Variants in CALN1 observed in about 807,000 individuals in gnomAD.
The protein encoded by CALN1 is calneuron 1.
A neutral mutation model predicts 30.6 loss-of-function variants in CALN1; 17 were observed. That is an observed-to-expected ratio of 0.56 (90% CI 0.38 to 0.83). The LOEUF is 0.83. Ranked by LOEUF, CALN1 falls within the 40% of genes least tolerant of loss-of-function variation. The pLI, the probability that CALN1 is intolerant of heterozygous loss-of-function variation, is 0.00. For synonymous variants in CALN1, 156 were observed against 131.4 expected (o/e 1.19, Z -1.28); for missense variants, 291 against 354.9 (o/e 0.82, Z 1.45).
chr7:72,346,449 CACAT>C (rs1003392401), intron 2 of CALN1, among the ~76,000 whole-genome samples: 2 of 152,146 alleles, frequency 1.3e-5, no homozygotes, highest in African/African-American at 2.4e-5. Flanking sequence ...CCAATCCACA[CACAT>C]ACATTCTGTC....
chr7:72,207,007 T>C (rs1266448131), intron 3 of CALN1, among the ~76,000 whole-genome samples: 2 of 152,222 alleles, frequency 1.3e-5, no homozygotes, highest in African/African-American at 4.8e-5. Flanking sequence ...GCTGTAAAGC[T>C]GTTGAAACAG....
chr7:72,381,746 T>C (rs977728015), intron 2 of CALN1, among the ~76,000 whole-genome samples: 1 of 152,176 alleles, frequency 6.6e-6, no homozygotes, highest in Admixed American at 6.5e-5. Flanking sequence ...AAATACCTAA[T>C]GCATGCAGGG....
chr7:72,405,272 C>T (rs1045914296), intron 1 of CALN1, among the ~76,000 whole-genome samples: 1 of 152,212 alleles, frequency 6.6e-6, no homozygotes, highest in African/African-American at 2.4e-5. Context: ...CAGTACTTGG[C>T]CTCAAACACA....
intron 5 of CALN1, among the ~76,000 whole-genome samples, chr7:71,812,159 G>A (rs35577469): frequency 0.033 from 4,996 of 152,248 alleles, 119 homozygotes; most frequent in Non-Finnish European, 0.056. Flanking sequence ...GATAAAGTGG[G>A]GAACACCTAC....
intron 3 of CALN1, among the ~76,000 whole-genome samples, chr7:72,207,730 GAC>G (rs1441525488): frequency 8.5e-5 from 13 of 152,164 alleles, no homozygotes; most frequent in Non-Finnish European, 1.6e-4. Flanking sequence ...ATAATTAACA[GAC>G]ACACAATGCA....
rs566613476 is a variant in CALN1, at chr7:72,295,212, C to T, written c.120-16402G>A. 8.6e-5 allele frequency among the ~76,000 whole-genome samples: 13 copies of T among 152,042 alleles called. No individual in the cohort carries two copies. In the East Asian group the frequency reaches 2.5e-3, roughly 29 times the overall value. ...CAAAATTGAAAATTTTATTATATTC[C>T]CCTAAATATTTCCTAGGTCAATGTT... is the stretch of plus-strand genomic sequence containing the variant. On this transcript the variant is annotated intron_variant, in intron 2 of 6. Coordinates refer to ENST00000395275, the MANE Select transcript of CALN1 (RefSeq NM_031468.4).
intron 3 of CALN1, among the ~76,000 whole-genome samples, chr7:72,217,975 TGG>T (rs1792965767): frequency 6.7e-6 from 1 of 150,090 alleles, no homozygotes; most frequent in Non-Finnish European, 1.5e-5. Context: ...CCCGAGTAGC[TGG>T]GACTACAGGT....
chr7:72,272,670 C>G (rs1797074648), intron 3 of CALN1, among the ~76,000 whole-genome samples: 1 of 152,178 alleles, frequency 6.6e-6, no homozygotes, highest in Non-Finnish European at 1.5e-5. Flanking sequence ...TGGAGAGACA[C>G]AATTTCCACC....
chr7:72,278,006 TCC>T lies in CALN1; in HGVS notation c.244+678_244+679del, dbSNP rs766710102. ...AGGCCAAATCAACCTAATCCTCTAT[TCC>T]GGGGGGGGGGGACTTGTTTTTCCTA... On this transcript the variant is annotated intron_variant, in intron 3 of 6. Coordinates refer to ENST00000395275, the MANE Select transcript of CALN1 (RefSeq NM_031468.4). Among the ~76,000 whole-genome samples the T allele has an allele frequency of 7.6e-4, 38 of 49,742 alleles. 1 individual carries two copies. Among genetic ancestry groups the T allele is most frequent in the Admixed American group, 1.9e-3 (11 of 5,916 alleles). 32.6% of individuals were successfully genotyped at this position (49,742 alleles called of 152,430 possible).
chr7:72,493,841 T>C, the CALN1 span, among the ~76,000 whole-genome samples: 2 of 152,228 alleles, frequency 1.3e-5, no homozygotes, highest in African/African-American at 4.8e-5. Context: ...AGCCACTAAA[T>C]ACTGGGCTTA....
rs10677940 is a variant in CALN1 at position 71,944,594 on chromosome 7, CAAAAAAAAA to C, written c.501+79054_501+79062del. On this transcript the variant is annotated intron_variant, in intron 5 of 6. Coordinates refer to ENST00000395275, the MANE Select transcript of CALN1 (RefSeq NM_031468.4). Reference sequence around the variant, plus strand: ...GGGCAATAAGAGTAAAACTCCATCCCAAAAAAAAAAAAAAAAAAAAAAAGAAAGAAAACA... The same window carrying C: ...GGGCAATAAGAGTAAAACTCCATCCCAAAAAAAAAAAAAAGAAAGAAAACA... Among the ~76,000 whole-genome samples, 254 of 60,038 alleles carry C rather than the reference CAAAAAAAAA, an allele frequency of 4.2e-3. 4 individuals are homozygous for C. Among genetic ancestry groups the C allele is most frequent in the Non-Finnish European group, 6.0e-3 (206 of 34,062 alleles). The allele number at this position is 60,038 out of a possible 152,430, so 39.4% of individuals were successfully genotyped here. A position where few individuals can be genotyped will look rare whatever the true frequency, so the allele number is the denominator to read the frequency against.
chr7:72,340,763 C>G (rs1432848143), intron 2 of CALN1, among the ~76,000 whole-genome samples: 1 of 152,146 alleles, frequency 6.6e-6, no homozygotes, highest in Non-Finnish European at 1.5e-5. Flanking sequence ...TGGGAGGGAC[C>G]TGGTGGGAGA....
intron 3 of CALN1, among the ~76,000 whole-genome samples, chr7:72,258,071 T>A (rs1796028592): frequency 6.6e-6 from 1 of 151,976 alleles, no homozygotes; most frequent in South Asian, 2.1e-4. Flanking sequence ...CTGAAGAACT[T>A]ACCCATGTAA....
chr7:72,208,889 A>C (rs1389191451), intron 3 of CALN1, among the ~76,000 whole-genome samples: 1 of 152,124 alleles, frequency 6.6e-6, no homozygotes, highest in Non-Finnish European at 1.5e-5. Flanking sequence ...GGGATTTGAA[A>C]GGCATCACAC....
At chr7:72,411,364 AAG>A (rs1807133369) in intron 1 of CALN1, among the ~76,000 whole-genome samples, 1 of 152,228 alleles carries the variant, frequency 6.6e-6, no homozygotes, top group Non-Finnish European at 1.5e-5. Context: ...AATCATACAA[AAG>A]AGATTCATGT....
chr7:71,798,099 G>C (rs1352652781), intron 6 of CALN1, among the ~76,000 whole-genome samples: 2 of 97,554 alleles, frequency 2.1e-5, no homozygotes, highest in Admixed American at 1.0e-4. Context: ...CAGAGAGAGA[G>C]ACAGAGAGAG....
intron 2 of CALN1, among the ~76,000 whole-genome samples, chr7:72,308,689 A>AT (rs1385262363): frequency 3.9e-5 from 6 of 151,912 alleles, no homozygotes; most frequent in African/African-American, 1.2e-4. Flanking sequence ...GGTTGTGTTC[A>AT]TTTTTTTTGG....
chr7:71,950,998 C>T (rs2129524015), intron 5 of CALN1, among the ~76,000 whole-genome samples: 1 of 152,316 alleles, frequency 6.6e-6, no homozygotes, highest in Non-Finnish European at 1.5e-5. Context: ...CCGTCTATCC[C>T]CGTTTTATTT....
intron 3 of CALN1, among the ~76,000 whole-genome samples, chr7:72,159,094 C>T (rs1251443586): frequency 6.6e-6 from 1 of 152,010 alleles, no homozygotes; most frequent in African/African-American, 2.4e-5. Flanking sequence ...CTCAGATTTC[C>T]ACCCACCTCA....
Sources: gnomAD v4.1 joint callset for allele counts (sites outside exome capture counted in the v4.1 genomes callset) on GRCh38, gnomAD v4.1.1 for gene constraint, MANE v1.5 for transcripts, NCBI Gene and HGNC (gene_info 2026-07-23, HGNC 2026-07-21) for gene names.